The following SRGAP1 variants were observed in gnomAD, a reference collection of about 807,000 sequenced individuals.
The protein encoded by SRGAP1 is SLIT-ROBO Rho GTPase-activating protein 1.
SRGAP1 carries 43 observed loss-of-function variants against 121.9 expected under a neutral mutation model. That is an observed-to-expected ratio of 0.35 (90% CI 0.28 to 0.46). SRGAP1 has a LOEUF of 0.46. Ranked by LOEUF, SRGAP1 falls within the 20% of genes least tolerant of loss-of-function variation. The pLI is 1.00. For synonymous variants in SRGAP1, 447 were observed against 485.4 expected (o/e 0.92, Z 1.04); for missense variants, 1,102 against 1,350.9 (o/e 0.82, Z 2.89).
At chr12:63,930,771 A>G (rs2031449178) in intron 1 of SRGAP1, among the ~76,000 whole-genome samples, 1 of 152,186 alleles carries the variant, frequency 6.6e-6, no homozygotes. Flanking sequence ...AAAATTCAAA[A>G]AGCGTCAAGA....
In SRGAP1 at chr12:64,162,071, G is replaced by C. The variant is rs2037212738; in HGVS notation, c.*19399G>C. 1 of 152,166 alleles carries C rather than the reference G, an allele frequency of 6.6e-6. No individual in the cohort carries two copies. The highest frequency in any genetic ancestry group is 1.5e-5 in the Non-Finnish European group (1 of 68,026). 9.4% of individuals were successfully genotyped at this position (152,166 alleles called of 1,614,324 possible). A position where few individuals can be genotyped will look rare whatever the true frequency, so the allele number is the denominator to read the frequency against. On this transcript the variant is annotated 3_prime_UTR_variant, in exon 22 of 22. Transcript: ENST00000355086. ...TTGCTGAGGGCTGGGAAAAGGGTTT[G>C]GGGAGAGAAATGACTGCTAATGGGA...
rs145457710 is a variant in SRGAP1, at chr12:64,094,598, C to T, written c.1540-334C>T. 1.2e-3 allele frequency among the ~76,000 whole-genome samples: 177 copies of T among 152,132 alleles called. 3 individuals carry two copies. The East Asian group carries it at 0.028, about 24-fold the overall frequency. On this transcript the variant is annotated intron_variant, in intron 12 of 21. Transcript: ENST00000355086. ...AGGTTGTCTTTCATGATGAATATAGCGAATCAAACTGAAGATGCTATGATT... is the reference window on the plus strand; with the variant it reads ...AGGTTGTCTTTCATGATGAATATAGTGAATCAAACTGAAGATGCTATGATT...
chr12:64,097,439 A>T, intron 15 of SRGAP1, 64 bp downstream of exon 15: 1 of 1,571,804 alleles, frequency 6.4e-7, no homozygotes. Flanking sequence ...TTCCTGGAAA[A>T]GGCAGTGGCC....
At chr12:63,937,864 G>T (rs1329424789) in intron 1 of SRGAP1, among the ~76,000 whole-genome samples, 1 of 152,106 alleles carries the variant, frequency 6.6e-6, no homozygotes, top group South Asian at 2.1e-4. Context: ...TTTTTTCCTG[G>T]TATTGCGTGC....
intron 1 of SRGAP1, among the ~76,000 whole-genome samples, chr12:63,897,317 A>C (rs1320686073): frequency 6.6e-6 from 1 of 152,244 alleles, no homozygotes; most frequent in East Asian, 1.9e-4. Flanking sequence ...ATATGTTAGC[A>C]TAAGAATATG....
At chr12:63,998,158 C>T (rs1294493304) in intron 3 of SRGAP1, among the ~76,000 whole-genome samples, 1 of 152,098 alleles carries the variant, frequency 6.6e-6, no homozygotes, top group African/African-American at 2.4e-5. Flanking sequence ...AGTGTAAGTT[C>T]CTACGGGAAG....
chr12:64,008,243 C>T (rs2034146682), intron 3 of SRGAP1, among the ~76,000 whole-genome samples: 1 of 152,126 alleles, frequency 6.6e-6, no homozygotes, highest in African/African-American at 2.4e-5. Context: ...GGGTTTTCCC[C>T]CTTAAAGTGC....
intron 18 of SRGAP1, among the ~76,000 whole-genome samples, chr12:64,118,867 A>C (rs552172211): frequency 6.6e-6 from 1 of 152,012 alleles, no homozygotes. Context: ...GACTACAGGC[A>C]TGGCTAATTT....
intron 4 of SRGAP1, chr12:64,032,614 C>A: frequency 2.0e-6 from 1 of 489,730 alleles, no homozygotes; most frequent in African/African-American, 2.0e-5. Context: ...ACAACAAGCC[C>A]CCACAGTCAC....
chr12:63,985,640 G>A (rs2033393422), intron 2 of SRGAP1, among the ~76,000 whole-genome samples: 1 of 152,124 alleles, frequency 6.6e-6, no homozygotes, highest in Non-Finnish European at 1.5e-5. Flanking sequence ...AAAAAGAAGA[G>A]GGAACTGAAA....
intron 1 of SRGAP1, among the ~76,000 whole-genome samples, chr12:63,981,295 C>G (rs1295173487): frequency 6.6e-6 from 1 of 152,074 alleles, no homozygotes; most frequent in African/African-American, 2.4e-5. Flanking sequence ...TTGTGTATTT[C>G]TGATTAGATT....
At position 64,128,157 on chromosome 12, in the gene SRGAP1, G is replaced by T. The variant is rs199691520; in HGVS notation, c.2837G>T (p.Gly946Val). ...RRSTSSGQYT[G>V]FNDHKPLDPE... ...TCCACGTCATCAGGGCAATACACGG[G>T]CTTCAATGACCACAAGCCACTGGAC... The change falls in exon 21 of 22, where the codon GGC (glycine) becomes GTC (valine). Residue 946 changes from glycine to valine, a missense_variant. Around this residue, in one of 3 missense-constraint regions of SRGAP1, gnomAD observed 315 missense variants for 343.1 expected, o/e 0.92. Coordinates refer to ENST00000355086, the MANE Select transcript of SRGAP1 (RefSeq NM_020762.4). 6.2e-7 allele frequency: 1 copy of T among 1,613,754 alleles called. No homozygotes were observed. The highest frequency in any genetic ancestry group is 8.5e-7 in the Non-Finnish European group (1 of 1,179,910).
chr12:63,955,134 A>G (rs1006807426), intron 1 of SRGAP1, among the ~76,000 whole-genome samples: 19 of 152,204 alleles, frequency 1.2e-4, no homozygotes, highest in Admixed American at 1.1e-3. Context: ...CCTGGCCAAC[A>G]TGGTGAAACC....
rs1161213423 is a variant in SRGAP1 at position 64,161,924 on chromosome 12, T to A, written c.*19252T>A. On this transcript the variant is annotated 3_prime_UTR_variant, in exon 22 of 22. Transcript: ENST00000355086. ...CGGAGTACTGATACACGCTACAACA[T>A]GGGTAAACTGAAAACATTATTACGT... 6.6e-6 allele frequency: 1 copy of A among 152,160 alleles called. No homozygotes were observed. The allele number at this position is 152,160 out of a possible 1,614,324, so 9.4% of individuals were successfully genotyped here.
chr12:64,017,037 TC>T (rs754525918), intron 4 of SRGAP1, 25 bp downstream of exon 4: 1 of 1,344,336 alleles, frequency 7.4e-7, no homozygotes, highest in South Asian at 1.3e-5. Flanking sequence ...TTTCTTCTTT[TC>T]TAGAATCCTT....
intron 17 of SRGAP1, among the ~76,000 whole-genome samples, chr12:64,114,424 C>T (rs560189858): frequency 6.6e-6 from 1 of 150,586 alleles, no homozygotes; most frequent in Admixed American, 6.6e-5. Flanking sequence ...ACTGTATTCC[C>T]ACTGCAACCT....
At chr12:63,856,447 C>T (rs192496731) in intron 1 of SRGAP1, among the ~76,000 whole-genome samples, 29 of 152,124 alleles carry the variant, frequency 1.9e-4, no homozygotes, top group Admixed American at 3.9e-4. Flanking sequence ...ATTTTGCTTT[C>T]GGCGTATGTT....
chr12:64,145,556 C>T lies in SRGAP1; in HGVS notation c.*2884C>T, dbSNP rs1565701833. The stretch of plus-strand genomic sequence containing the variant: ...CTATACTCCTATTGTCAGCTTGAGA[C>T]TTTTTTTTTTTTTCAATTCCAAATG... On this transcript the variant is annotated 3_prime_UTR_variant, in exon 22 of 22. Coordinates refer to ENST00000355086, the MANE Select transcript of SRGAP1 (RefSeq NM_020762.4). 1.4e-5 allele frequency: 2 copies of T among 145,416 alleles called. No individual in the cohort carries two copies. Among genetic ancestry groups the T allele is most frequent in the Non-Finnish European group, 3.0e-5 (2 of 65,998 alleles). 9.0% of individuals were successfully genotyped at this position (145,416 alleles called of 1,614,324 possible). A position where few individuals can be genotyped will look rare whatever the true frequency, so the allele number is the denominator to read the frequency against.
intron 1 of SRGAP1, among the ~76,000 whole-genome samples, chr12:63,923,686 T>G (rs765655273): frequency 6.6e-6 from 1 of 152,220 alleles, no homozygotes; most frequent in African/African-American, 2.4e-5. Context: ...TTTATACAAG[T>G]AGTATACATG....
Sources: gnomAD v4.1 joint callset for allele counts (sites outside exome capture counted in the v4.1 genomes callset) on GRCh38, gnomAD v4.1.1 for gene constraint, gnomAD v4.1.1 regional missense constraint, MANE v1.5 for transcripts, NCBI Gene and HGNC (gene_info 2026-07-23, HGNC 2026-07-21) for gene names.